OTUD1: variants seen among roughly 807,000 people sequenced by gnomAD.
OTUD1 encodes the protein OTU domain-containing protein 1.
OTUD1 carries 15 observed loss-of-function variants against 30.0 expected under a neutral mutation model. That is an observed-to-expected ratio of 0.50 (90% CI 0.33 to 0.77). The LOEUF is 0.77. Ranked by LOEUF, OTUD1 falls within the 30% of genes least tolerant of loss-of-function variation. The probability of loss-of-function intolerance (pLI) is 0.02; values close to 1 mark genes in which losing one functional copy is unlikely to be tolerated. For missense variants in OTUD1, 796 were observed against 697.8 expected, an observed-to-expected ratio of 1.14 and a Z score of -1.59; for synonymous variants, 381 against 326.3, an observed-to-expected ratio of 1.17 and a Z score of -1.81.
chr10:23,439,361 C>A lies in OTUD1; in HGVS notation c.-97C>A, dbSNP rs1588755480. 9.1e-7 allele frequency: 1 copy of A among 1,094,632 alleles called. No homozygotes were observed. Among genetic ancestry groups the A allele is most frequent in the Non-Finnish European group, 1.2e-6 (1 of 868,516 alleles). 67.8% of individuals were successfully genotyped at this position (1,094,632 alleles called of 1,614,324 possible). On this transcript the variant is annotated 5_prime_UTR_variant, in exon 1 of 1. Transcript: ENST00000376495. ...CATCTCTATTCTGGGGCCGTTGGGTCACCGCGCTCCGCCGGCCCCCTCCCC... is the reference window on the plus strand; with the variant it reads ...CATCTCTATTCTGGGGCCGTTGGGTAACCGCGCTCCGCCGGCCCCCTCCCC...
chr10:23,440,874 A>G lies in OTUD1; in HGVS notation c.1417A>G (p.Met473Val). 1 of 1,551,726 alleles carries G rather than the reference A, an allele frequency of 6.4e-7. No individual in the cohort carries two copies. The highest frequency in any genetic ancestry group is 8.7e-7 in the Non-Finnish European group (1 of 1,146,948). The change falls in exon 1 of 1, where the codon ATG becomes GTG. Residue 473 changes from methionine to valine, a missense_variant. Coordinates refer to ENST00000376495, the MANE Select transcript of OTUD1 (RefSeq NM_001145373.3). ...ATCTATGGCCATATCCTTGTCTAAA[A>G]TGTATATTGAACAAAATGCATGCTC... ...AKSMAISLSK[M>V]YIEQNACS
At position 23,440,213 on chromosome 10, in the gene OTUD1, G is replaced by A; in HGVS notation, c.756G>A (p.Ala252=). 1 of 1,501,234 alleles carries A rather than the reference G, an allele frequency of 6.7e-7. No individual in the cohort carries two copies. Among genetic ancestry groups the A allele is most frequent in the Non-Finnish European group, 8.9e-7 (1 of 1,123,472 alleles). 93.0% of individuals were successfully genotyped at this position (1,501,234 alleles called of 1,614,324 possible). The change falls in exon 1 of 1, where the codon GCG becomes GCA. Residue 252 remains alanine, a synonymous_variant. Transcript: ENST00000376495. ...GCGACGCGCCCGGTGGGGACGCGGC[G>A]CGGAGGCCCGACCCAGAGGCCGAGG... The part of the protein sequence containing the change: ...DRCDAPGGDA[A]RRPDPEAEAP...
chr10:23,440,636 T>C lies in OTUD1; in HGVS notation c.1179T>C (p.His393=). 1.9e-6 allele frequency: 3 copies of C among 1,551,740 alleles called. No homozygotes were observed. Among genetic ancestry groups the C allele is most frequent in the Non-Finnish European group, 2.6e-6 (3 of 1,147,000 alleles). ...AMGQMLNVNI[H]LTTGGRLESP... is the part of the protein sequence containing the mutation. ...GGCAGATGCTGAATGTGAATATCCA[T>C]TTAACTACTGGAGGGAGGCTGGAGA... The change falls in exon 1 of 1, where the codon CAT becomes CAC. Residue 393 remains histidine (H), a synonymous_variant. Transcript: ENST00000376495.
Position 23,439,499 on chromosome 10 carries a change from G to C in OTUD1, c.42G>C (p.Gly14=). The change falls in exon 1 of 1, where the codon GGG becomes GGC. Residue 14 remains glycine (G), a synonymous_variant. Coordinates refer to ENST00000376495, the MANE Select transcript of OTUD1 (RefSeq NM_001145373.3). ...YSSVCTHYPA[G]APGPTAAAPA... is the part of the protein sequence containing the mutation. ...GCGTCTGCACCCACTACCCCGCCGG[G>C]GCCCCGGGTCCCACGGCCGCCGCCC... 1 of 1,370,066 alleles carries C rather than the reference G, an allele frequency of 7.3e-7. No individual in the cohort carries two copies. The highest frequency in any genetic ancestry group is 9.4e-7 in the Non-Finnish European group (1 of 1,061,608). 84.9% of individuals were successfully genotyped at this position (1,370,066 alleles called of 1,614,324 possible). A position where few individuals can be genotyped will look rare whatever the true frequency, so the allele number is the denominator to read the frequency against.
chr10:23,439,835 G>GCAA lies in OTUD1; in HGVS notation c.380_381insACA (p.Leu126_His127insGln). 1.7e-5 allele frequency: 19 copies of GCAA among 1,123,770 alleles called. No individual in the cohort carries two copies. The highest frequency in any genetic ancestry group is 2.1e-5 in the Non-Finnish European group (19 of 921,886). The allele number at this position is 1,123,770 out of a possible 1,614,324, so 69.6% of individuals were successfully genotyped here. ...CCCTGGGCGCCGACAGGCTCCTGCT[G>GCAA]CACGGGCCCGATCCCGTTCCCGGCG... On this transcript the variant is annotated inframe_insertion, in exon 1 of 1. Coordinates refer to ENST00000376495, the MANE Select transcript of OTUD1 (RefSeq NM_001145373.3).
rs1847099455 is a variant in OTUD1 at position 23,439,371 on chromosome 10, C to T, written c.-87C>T. On this transcript the variant is annotated 5_prime_UTR_variant, in exon 1 of 1. Coordinates refer to ENST00000376495, the MANE Select transcript of OTUD1 (RefSeq NM_001145373.3). ...CTGGGGCCGTTGGGTCACCGCGCTC[C>T]GCCGGCCCCCTCCCCCGGGCCCGGA... The T allele has an allele frequency of 6.9e-6, 8 of 1,156,984 alleles. No individual in the cohort carries two copies. The South Asian group carries it at 2.8e-4, about 40-fold the overall frequency. The allele number at this position is 1,156,984 out of a possible 1,614,324, so 71.7% of individuals were successfully genotyped here. A position where few individuals can be genotyped will look rare whatever the true frequency, so the allele number is the denominator to read the frequency against.
At position 23,440,361 on chromosome 10, in the gene OTUD1, A is replaced by T; in HGVS notation, c.904A>T (p.Lys302Ter). ...LYLAEVEKQD[K>*]YLRQRNKYRF... is the part of the protein sequence containing the mutation. ...CCTGGCCGAGGTGGAGAAGCAGGAC[A>T]AGTATCTGCGGCAGAGGAATAAGTA... Residue 302 changes from lysine (K) to a stop codon, truncating the protein, a stop_gained, in exon 1 of 1, where the codon AAG becomes TAG. Coordinates refer to ENST00000376495, the MANE Select transcript of OTUD1 (RefSeq NM_001145373.3). LOFTEE classifies it high-confidence loss of function. 6.4e-7 allele frequency: 1 copy of T among 1,551,510 alleles called. No individual in the cohort carries two copies. Among genetic ancestry groups the T allele is most frequent in the Non-Finnish European group, 8.7e-7 (1 of 1,146,948 alleles).
rs1162256128 is a variant in OTUD1 at position 23,440,330 on chromosome 10, C to T, written c.873C>T (p.Ala291=). 3 of 1,551,186 alleles carry T rather than the reference C, an allele frequency of 1.9e-6. No homozygotes were observed. The East Asian group carries it at 7.3e-5, about 38-fold the overall frequency. ...SRSDPRDEKL[A]LYLAEVEKQD... is the part of the protein sequence containing the mutation. ...CGGATCCCAGAGACGAGAAGCTGGC[C>T]CTATACCTGGCCGAGGTGGAGAAGC... The change falls in exon 1 of 1, where the codon GCC becomes GCT. Residue 291 remains alanine, a synonymous_variant. Coordinates refer to ENST00000376495, the MANE Select transcript of OTUD1 (RefSeq NM_001145373.3).
rs1013301664 is a variant in OTUD1, at chr10:23,441,252, G to T, written c.*349G>T. On this transcript the variant is annotated 3_prime_UTR_variant, in exon 1 of 1. Transcript: ENST00000376495. ...TTGCACAACATTTTTAAAAACTGGT[G>T]TACCTTCATCTATGACGTGTTCCAT... 4.2e-6 allele frequency: 1 copy of T among 235,546 alleles called. No homozygotes were observed. The highest frequency in any genetic ancestry group is 9.1e-6 in the Non-Finnish European group (1 of 110,170). The allele number at this position is 235,546 out of a possible 1,614,324, so 14.6% of individuals were successfully genotyped here. A position where few individuals can be genotyped will look rare whatever the true frequency, so the allele number is the denominator to read the frequency against.
chr10:23,440,919 T>TA lies in OTUD1; in HGVS notation c.*17dup. 3.2e-6 allele frequency: 5 copies of TA among 1,540,476 alleles called. No homozygotes were observed. Among genetic ancestry groups the TA allele is most frequent in the Non-Finnish European group, 3.5e-6 (4 of 1,141,388 alleles). On this transcript the variant is annotated 3_prime_UTR_variant, in exon 1 of 1. Transcript: ENST00000376495. ...ATGCTCTTGAAATGTCTCAAAACCT[T>TA]ACACCCTGGGAATAATTGCATATAT... is the stretch of plus-strand genomic sequence containing the variant.
Position 23,439,888 on chromosome 10 carries a change from G to A in OTUD1, c.431G>A (p.Gly144Asp). ...GAAGSAAAPR[G>D]RCLLLAPAPA... ...GCGGGCTCCGCCGCTGCCCCGCGCG[G>A]CCGCTGCCTCCTGCTCGCCCCGGCG... The change falls in exon 1 of 1, where the codon GGC (glycine) becomes GAC (aspartate). Residue 144 changes from glycine to aspartate, a missense_variant. By Grantham distance (94) the Gly-to-Asp change is moderately conservative. Coordinates refer to ENST00000376495, the MANE Select transcript of OTUD1 (RefSeq NM_001145373.3). 1 of 1,178,910 alleles carries A rather than the reference G, an allele frequency of 8.5e-7. No homozygotes were observed. Among genetic ancestry groups the A allele is most frequent in the Non-Finnish European group, 1.0e-6 (1 of 957,132 alleles). The allele number at this position is 1,178,910 out of a possible 1,614,324, so 73.0% of individuals were successfully genotyped here. A position where few individuals can be genotyped will look rare whatever the true frequency, so the allele number is the denominator to read the frequency against.
chr10:23,439,639 A>T lies in OTUD1; in HGVS notation c.182A>T (p.His61Leu). 1 of 1,294,368 alleles carries T rather than the reference A, an allele frequency of 7.7e-7. No individual in the cohort carries two copies. The highest frequency in any genetic ancestry group is 9.8e-7 in the Non-Finnish European group (1 of 1,017,142). 80.2% of individuals were successfully genotyped at this position (1,294,368 alleles called of 1,614,324 possible). The change falls in exon 1 of 1, where the codon CAC becomes CTC. Residue 61 changes from histidine (H) to leucine (L), a missense_variant. Coordinates refer to ENST00000376495, the MANE Select transcript of OTUD1 (RefSeq NM_001145373.3). ...TGCCAGCCCGCCGCGGCCGCCGAGC[A>T]CCGGGAAGCCGCCGCTGTCCCCGCC... ...GECQPAAAAE[H>L]REAAAVPAAK...
At position 23,440,051 on chromosome 10, in the gene OTUD1, C is replaced by G; in HGVS notation, c.594C>G (p.His198Gln). 6.9e-7 allele frequency: 1 copy of G among 1,452,412 alleles called. No homozygotes were observed. The highest frequency in any genetic ancestry group is 2.6e-5 in the Admixed American group (1 of 38,584). The allele number at this position is 1,452,412 out of a possible 1,614,324, so 90.0% of individuals were successfully genotyped here. The change falls in exon 1 of 1, where the codon CAC (histidine) becomes CAG (glutamine). Residue 198 changes from histidine (H) to glutamine (Q), a missense_variant. By Grantham distance (24) the His-to-Gln change is conservative. Coordinates refer to ENST00000376495, the MANE Select transcript of OTUD1 (RefSeq NM_001145373.3). ...ATCGGAACTTCCGACTGAGCGAGCA[C>G]CGCCAGGCCCTGGCCGCCGCCAAGC... is the stretch of plus-strand genomic sequence containing the variant. ...GPDRNFRLSEHRQALAAAKHR... is the reference protein window; with the variant it reads ...GPDRNFRLSEQRQALAAAKHR...
Position 23,440,331 on chromosome 10 carries a change from C to G in OTUD1, c.874C>G (p.Leu292Val), listed in dbSNP as rs766110879. 1.3e-4 allele frequency: 194 copies of G among 1,551,332 alleles called. No individual in the cohort carries two copies. In the African/African-American group the frequency reaches 2.3e-3, roughly 19 times the overall value. Reference protein sequence around the residue: ...RSDPRDEKLALYLAEVEKQDK... With the variant: ...RSDPRDEKLAVYLAEVEKQDK... ...GGATCCCAGAGACGAGAAGCTGGCC[C>G]TATACCTGGCCGAGGTGGAGAAGCA... is the stretch of plus-strand genomic sequence containing the variant. Residue 292 changes from leucine to valine, a missense_variant, in exon 1 of 1, where the codon CTA becomes GTA. Leu to Val is a conservative substitution (Grantham distance 32). Coordinates refer to ENST00000376495, the MANE Select transcript of OTUD1 (RefSeq NM_001145373.3).
In OTUD1 at chr10:23,439,599, CCCGAGA is replaced by C. The variant is rs1172088048; in HGVS notation, c.146_151del (p.Glu49_Thr50del). 4 of 1,364,578 alleles carry C rather than the reference CCCGAGA, an allele frequency of 2.9e-6. No homozygotes were observed. The highest frequency in any genetic ancestry group is 1.5e-5 in the African/African-American group (1 of 65,058). The allele number at this position is 1,364,578 out of a possible 1,614,324, so 84.5% of individuals were successfully genotyped here. On this transcript the variant is annotated inframe_deletion, in exon 1 of 1. Transcript: ENST00000376495. The stretch of plus-strand genomic sequence containing the variant: ...GGGAGCCGCCGGCGCCGCGCCCGAG[CCCGAGA>C]CCGGTGAGTGCCAGCCCGCCGCGGC...
chr10:23,439,763 G>C lies in OTUD1; in HGVS notation c.306G>C (p.Pro102=), dbSNP rs1022885469. Residue 102 remains proline (P), a synonymous_variant, in exon 1 of 1, where the codon CCG becomes CCC. Transcript: ENST00000376495. ...AAGPPGASCK[P]PLPPHYTSTA... The stretch of plus-strand genomic sequence containing the variant: ...GCCCGCCCGGCGCGTCCTGCAAGCC[G>C]CCGCTGCCGCCGCACTACACGTCCA... 8.7e-7 allele frequency: 1 copy of C among 1,156,034 alleles called. No individual in the cohort carries two copies. Among genetic ancestry groups the C allele is most frequent in the East Asian group, 5.0e-5 (1 of 19,818 alleles). 71.6% of individuals were successfully genotyped at this position (1,156,034 alleles called of 1,614,324 possible).
rs1847097573 is a variant in OTUD1, at chr10:23,439,197, G to C, written c.-261G>C. Among the ~76,000 whole-genome samples the C allele has an allele frequency of 6.6e-6, 1 of 151,142 alleles. No individual in the cohort carries two copies. Among genetic ancestry groups the C allele is most frequent in the African/African-American group, 2.4e-5 (1 of 41,282 alleles). The stretch of plus-strand genomic sequence containing the variant: ...AGCTGCAGCGGGCGCGGCGCCCCGG[G>C]TCTGCGGGCCGAGCGCACCGGCAGG... On this transcript the variant is annotated 5_prime_UTR_variant, in exon 1 of 1. Transcript: ENST00000376495.
rs1366754141 is a variant in OTUD1 at position 23,439,591 on chromosome 10, C to T, written c.134C>T (p.Ala45Val). 7.3e-7 allele frequency: 1 copy of T among 1,365,208 alleles called. No homozygotes were observed. The highest frequency in any genetic ancestry group is 2.9e-5 in the Admixed American group (1 of 34,804). The allele number at this position is 1,365,208 out of a possible 1,614,324, so 84.6% of individuals were successfully genotyped here. The part of the protein sequence containing the change: ...SLQPPGAAGA[A>V]PEPETGECQP... ...CAGCCCCCGGGAGCCGCCGGCGCCGCGCCCGAGCCCGAGACCGGTGAGTGC... is the reference window on the plus strand; with the variant it reads ...CAGCCCCCGGGAGCCGCCGGCGCCGTGCCCGAGCCCGAGACCGGTGAGTGC... Residue 45 changes from alanine to valine, a missense_variant, in exon 1 of 1, where the codon GCG becomes GTG. Physicochemically the swap from Ala to Val is moderately conservative, Grantham distance 64 (BLOSUM62 0). Transcript: ENST00000376495.
Position 23,439,433 on chromosome 10 carries a change from A to G in OTUD1, c.-25A>G. The G allele has an allele frequency of 7.9e-7, 1 of 1,260,628 alleles. No homozygotes were observed. Among genetic ancestry groups the G allele is most frequent in the Non-Finnish European group, 9.9e-7 (1 of 1,005,372 alleles). The allele number at this position is 1,260,628 out of a possible 1,614,324, so 78.1% of individuals were successfully genotyped here. A position where few individuals can be genotyped will look rare whatever the true frequency, so the allele number is the denominator to read the frequency against. On this transcript the variant is annotated 5_prime_UTR_variant, in exon 1 of 1. The change creates a new upstream start codon in the 5' untranslated region. Transcript: ENST00000376495. ...CCGCTCCGGGGCTCGCCGCGCCTAT[A>G]AGGGGCCGAGCGGCGGGCAGGGACA...
Sources: allele counts gnomAD v4.1 joint callset (sites outside exome capture counted in the v4.1 genomes callset), GRCh38; gene constraint gnomAD v4.1.1; transcripts MANE v1.5; gene names NCBI Gene and HGNC (gene_info 2026-07-23, HGNC 2026-07-21).